Variants in TENM4 observed in about 807,000 individuals in gnomAD.
TENM4 encodes the protein teneurin-4.
Under a neutral mutation model 243.3 loss-of-function variants are expected in TENM4, and 82 were observed. That is an observed-to-expected ratio of 0.34 (90% CI 0.28 to 0.40). The LOEUF is 0.40. Among genes scored for constraint, TENM4 ranks in the 10% least tolerant of loss-of-function variants. TENM4 has a pLI of 1.00. For missense variants in TENM4, 3,138 were observed against 3,673.3 expected (o/e 0.85, Z 3.77); for synonymous variants, 1,412 against 1,456.3 (o/e 0.97, Z 0.69).
chr11:78,941,454 G>A (rs755507323), intron 6 of TENM4, among the ~76,000 whole-genome samples: 75 of 152,178 alleles, frequency 4.9e-4, no homozygotes, highest in Non-Finnish European at 9.1e-4. Flanking sequence ...CCAAGCTGCC[G>A]AGGGAGGGTG....
intron 9 of TENM4, 125 bp downstream of exon 9, chr11:78,889,660 G>T: frequency 2.8e-6 from 3 of 1,071,972 alleles, no homozygotes; most frequent in East Asian, 5.2e-5. Flanking sequence ...CTCCAGGGCT[G>T]CCTGGCTCAC....
In TENM4 at chr11:78,669,073, C is replaced by G; in HGVS notation, c.7272G>C (p.Leu2424=). 6.2e-7 allele frequency: 1 copy of G among 1,613,922 alleles called. No individual in the cohort carries two copies. Among genetic ancestry groups the G allele is most frequent in the Non-Finnish European group, 8.5e-7 (1 of 1,179,880 alleles). The stretch of plus-strand genomic sequence containing the variant: ...GGTCTGGGCTAGTCCAGCGTCCGGC[C>G]AGCACATCATAATCTCGCCGGCCCA... ...VHMGRRDYDV[L]AGRWTSPDHE... Residue 2424 remains leucine (L), a synonymous_variant, in exon 32 of 34, where the codon CTG becomes CTC. Transcript: ENST00000278550. The surrounding 1 kb of genome is among the most constrained non-coding windows in gnomAD (Gnocchi z 6.4).
intron 9 of TENM4, among the ~76,000 whole-genome samples, chr11:78,885,085 A>G (rs983569918): frequency 2.0e-5 from 3 of 152,230 alleles, no homozygotes; most frequent in Non-Finnish European, 4.4e-5. Flanking sequence ...TTTAAAAACA[A>G]TTAAATGCTA....
intron 1 of TENM4, among the ~76,000 whole-genome samples, chr11:79,397,342 G>A (rs1176554613): frequency 6.6e-6 from 1 of 152,090 alleles, no homozygotes; most frequent in Non-Finnish European, 1.5e-5. Flanking sequence ...GAAGCCCAGG[G>A]GACTGAGTAA....
At chr11:79,088,958 T>G (rs891399250) in intron 4 of TENM4, among the ~76,000 whole-genome samples, 7 of 152,186 alleles carry the variant, frequency 4.6e-5, no homozygotes, top group Non-Finnish European at 1.0e-4. Flanking sequence ...ATCTGTAAGA[T>G]GGTCAGTTGT....
At chr11:79,175,290 CG>C (rs1355515074) in intron 3 of TENM4, among the ~76,000 whole-genome samples, 1 of 152,056 alleles carries the variant, frequency 6.6e-6, no homozygotes, top group Non-Finnish European at 1.5e-5. Flanking sequence ...ATTTTTTCCA[CG>C]GGTGATAGTA....
chr11:79,391,396 T>A (rs1858229909), intron 1 of TENM4, among the ~76,000 whole-genome samples: 1 of 139,642 alleles, frequency 7.2e-6, no homozygotes, highest in South Asian at 2.4e-4. Context: ...GCCTGTGGGA[T>A]GCCAAGTGGA....
intron 1 of TENM4, among the ~76,000 whole-genome samples, chr11:79,417,890 A>G (rs952424928): frequency 6.6e-6 from 1 of 152,148 alleles, no homozygotes; most frequent in African/African-American, 2.4e-5. Context: ...CTCAGAGCCC[A>G]GTAATAAGAA....
chr11:79,350,858 T>C (rs1857403072), intron 1 of TENM4, among the ~76,000 whole-genome samples: 1 of 152,148 alleles, frequency 6.6e-6, no homozygotes, highest in Non-Finnish European at 1.5e-5. Flanking sequence ...ATCAATCATG[T>C]CATTCTTCTG....
Position 78,856,020 on chromosome 11 carries a change from T to G in TENM4, c.1414A>C (p.Lys472Gln). ...VHLKFNVSLG[K>Q]AALVGIYGRK... ...CCATAAATGCCAACCAGGGCTGCCT[T>G]TCCCAGAGACACATTGAATTTCAGA... The change falls in exon 11 of 34, where the codon AAG becomes CAG. Residue 472 changes from lysine to glutamine, a missense_variant. Physicochemically the swap from Lys to Gln is moderately conservative, Grantham distance 53. Around this residue, in one of 2 missense-constraint regions of TENM4, gnomAD observed 2,467 missense variants for 3,059.1 expected, o/e 0.81. Transcript: ENST00000278550. 1 of 1,551,676 alleles carries G rather than the reference T, an allele frequency of 6.4e-7. No homozygotes were observed.
At chr11:78,913,134 T>C (rs1359953945) in intron 6 of TENM4, among the ~76,000 whole-genome samples, 2 of 152,192 alleles carry the variant, frequency 1.3e-5, no homozygotes. Context: ...TATATTGTGT[T>C]GTGTGACTGG....
intron 6 of TENM4, among the ~76,000 whole-genome samples, chr11:79,020,546 C>G (rs1056260972): frequency 3.9e-5 from 6 of 152,154 alleles, no homozygotes; most frequent in Non-Finnish European, 8.8e-5. Context: ...GCTTGCAGCT[C>G]TAATTCCTCC....
intron 2 of TENM4, among the ~76,000 whole-genome samples, chr11:79,287,182 A>T (rs1243204001): frequency 2.0e-5 from 3 of 152,210 alleles, no homozygotes; most frequent in African/African-American, 7.2e-5. Flanking sequence ...TCTTGGAGGG[A>T]TCATGAGAGT....
intron 3 of TENM4, among the ~76,000 whole-genome samples, chr11:79,185,156 G>A (rs961405733): frequency 1.3e-5 from 2 of 152,094 alleles, no homozygotes; most frequent in Non-Finnish European, 2.9e-5. Flanking sequence ...AAATTAGCTG[G>A]ATGTGGTGGC....
intron 10 of TENM4, among the ~76,000 whole-genome samples, chr11:78,861,705 C>T (rs1858822927): frequency 1.3e-5 from 2 of 152,160 alleles, no homozygotes; most frequent in Non-Finnish European, 2.9e-5. Flanking sequence ...CAAGTATATG[C>T]CACCCTGTTA....
chr11:78,756,911 C>A lies in TENM4; in HGVS notation c.2650G>T (p.Val884Phe), dbSNP rs1856322821. 1 of 1,613,738 alleles carries A rather than the reference C, an allele frequency of 6.2e-7. No individual in the cohort carries two copies. The change falls in exon 19 of 34, where the codon GTC (valine) becomes TTC (phenylalanine). Residue 884 changes from valine to phenylalanine, a missense_variant. By Grantham distance (50) the Val-to-Phe change is conservative (BLOSUM62 -1). This residue lies in a region of TENM4 where 2,467 missense variants were observed against 3,059.1 expected (regional missense o/e 0.81). Coordinates refer to ENST00000278550, the MANE Select transcript of TENM4 (RefSeq NM_001098816.3). ...NPLDIIQETQ[V>F]PVSQQNLHSF... ...TGTAGGTTCTGCTGTGACACAGGGACCTGTGTCTCCTGGATGATGTCCAGA... is the reference window on the plus strand; with the variant it reads ...TGTAGGTTCTGCTGTGACACAGGGAACTGTGTCTCCTGGATGATGTCCAGA...
intron 28 of TENM4, among the ~76,000 whole-genome samples, chr11:78,700,624 G>GAT (rs1859079972): frequency 1.3e-5 from 2 of 152,108 alleles, no homozygotes; most frequent in South Asian, 4.1e-4. Flanking sequence ...GAACACCCCA[G>GAT]ATATATATAT....
At chr11:79,103,156 C>T (rs1251791394) in intron 4 of TENM4, among the ~76,000 whole-genome samples, 2 of 152,116 alleles carry the variant, frequency 1.3e-5, no homozygotes, top group South Asian at 2.1e-4. Context: ...GCCTTGTCTG[C>T]CTGGTAACCT....
chr11:79,107,924 A>G (rs1565206689), intron 4 of TENM4, among the ~76,000 whole-genome samples: 1 of 152,240 alleles, frequency 6.6e-6, no homozygotes, highest in Non-Finnish European at 1.5e-5. Flanking sequence ...CTGGGATCTG[A>G]AGCCAGGTTC....
Sources: gnomAD v4.1 joint callset for allele counts (sites outside exome capture counted in the v4.1 genomes callset) on GRCh38, gnomAD v4.1.1 for gene constraint, gnomAD v4.1.1 regional missense constraint, Gnocchi (gnomAD v3.1) non-coding constraint, MANE v1.5 for transcripts, NCBI Gene and HGNC (gene_info 2026-07-23, HGNC 2026-07-21) for gene names.